FXN: variants seen among roughly 807,000 people sequenced by gnomAD.
FXN encodes the protein frataxin, also known as frataxin, mitochondrial.
FXN carries 14 observed loss-of-function variants against 22.4 expected under a neutral mutation model. That is an observed-to-expected ratio of 0.62 (90% CI 0.41 to 0.98). The LOEUF is 0.98. FXN is among the 50% of genes least tolerant of loss of function. FXN has a pLI of 0.00. For missense variants in FXN, 267 were observed against 268.4 expected (o/e 0.99, Z 0.04); for synonymous variants, 120 against 114.1 (o/e 1.05, Z -0.33).
chr9:69,073,379 C>G lies in FXN; in HGVS notation c.*617C>G. On this transcript the variant is annotated 3_prime_UTR_variant, in exon 5 of 5. Transcript: ENST00000484259. ...TCCAGGGAGACCTAGTGCTGTTTCT[C>G]CCACATATTCACATACGTGTCTGTG... 1.0e-6 allele frequency: 1 copy of G among 987,064 alleles called. No individual in the cohort carries two copies. Among genetic ancestry groups the G allele is most frequent in the Non-Finnish European group, 1.2e-6 (1 of 831,116 alleles). The allele number at this position is 987,064 out of a possible 1,614,324, so 61.1% of individuals were successfully genotyped here.
chr9:69,059,062 C>T (rs773387329), intron 3 of FXN, among the ~76,000 whole-genome samples: 1 of 151,382 alleles, frequency 6.6e-6, no homozygotes, highest in Non-Finnish European at 1.5e-5. Flanking sequence ...AGCGAGACTT[C>T]ATCTTAAAAA....
chr9:69,078,205 C>T lies in FXN; in HGVS notation c.*5443C>T, dbSNP rs1832405714. 1 of 984,102 alleles carries T rather than the reference C, an allele frequency of 1.0e-6. No individual in the cohort carries two copies. Among genetic ancestry groups the T allele is most frequent in the African/African-American group, 1.7e-5 (1 of 57,308 alleles). 61.0% of individuals were successfully genotyped at this position (984,102 alleles called of 1,614,324 possible). A position where few individuals can be genotyped will look rare whatever the true frequency, so the allele number is the denominator to read the frequency against. On this transcript the variant is annotated 3_prime_UTR_variant, in exon 5 of 5. Coordinates refer to ENST00000484259, the MANE Select transcript of FXN (RefSeq NM_000144.5). ...CTGTGTACTGCACATCTCCAGGTGC[C>T]ACTGTTGACAGAGATTATAACTACA... is the stretch of plus-strand genomic sequence containing the variant.
intron 2 of FXN, among the ~76,000 whole-genome samples, chr9:69,051,347 T>A (rs150049106): frequency 6.6e-6 from 1 of 151,720 alleles, no homozygotes; most frequent in Non-Finnish European, 1.5e-5. Context: ...CTCCCAAAGT[T>A]CTGGTATTAC....
intron 1 of FXN, among the ~76,000 whole-genome samples, chr9:69,037,050 C>T (rs983933419): frequency 1.3e-5 from 2 of 151,996 alleles, no homozygotes; most frequent in African/African-American, 4.8e-5. Flanking sequence ...CTTGAACTTC[C>T]CACACGTGTT....
At position 69,049,739 on chromosome 9, in the gene FXN, A is replaced by T. The variant is rs866090316; in HGVS notation, c.263+3257A>T. Among the ~76,000 whole-genome samples, 11 of 152,262 alleles carry T rather than the reference A, an allele frequency of 7.2e-5. No homozygotes were observed. In the Middle Eastern group the frequency reaches 0.017, roughly 235 times the overall value. ...CAAGATTGTGCAGCTGTCACTACTA[A>T]TTCCAGAACATTTTCATTATTCCAG... On this transcript the variant is annotated intron_variant, in intron 2 of 4. Coordinates refer to ENST00000484259, the MANE Select transcript of FXN (RefSeq NM_000144.5).
intron 2 of FXN, among the ~76,000 whole-genome samples, chr9:69,047,381 G>A (rs1484234494): frequency 4.7e-5 from 7 of 147,696 alleles, no homozygotes; most frequent in South Asian, 4.4e-4. Context: ...ACACACACAC[G>A]ATGGAGAGGG....
chr9:69,071,124 C>T (rs1832266726), intron 4 of FXN: 1 of 513,674 alleles, frequency 1.9e-6, no homozygotes, highest in Non-Finnish European at 3.9e-6. Context: ...CTCAGAGCAC[C>T]TCAGGCAGTG....
At chr9:69,071,281 T>G (rs1010302791) in intron 4 of FXN, 2 of 518,888 alleles carry the variant, frequency 3.9e-6, no homozygotes, top group Non-Finnish European at 7.7e-6. Context: ...CATTTTTATC[T>G]CCATACTGGG....
intron 2 of FXN, among the ~76,000 whole-genome samples, chr9:69,047,324 CACACAG>C (rs1247445979): frequency 6.6e-6 from 1 of 151,288 alleles, no homozygotes; most frequent in Non-Finnish European, 1.5e-5. Context: ...TTCTGATCTA[CACACAG>C]ACACAGACAC....
chr9:69,045,914 A>G (rs1463715325), intron 1 of FXN, among the ~76,000 whole-genome samples: 1 of 152,220 alleles, frequency 6.6e-6, no homozygotes, highest in Non-Finnish European at 1.5e-5. Flanking sequence ...CCTGGTTAGT[A>G]ATAAGCTGTA....
intron 3 of FXN, among the ~76,000 whole-genome samples, chr9:69,058,615 C>A (rs1203317484): frequency 6.8e-6 from 1 of 147,414 alleles, no homozygotes; most frequent in African/African-American, 2.5e-5. Flanking sequence ...AAAAAAAAAA[C>A]TTTAAACAAA....
At chr9:69,052,305 C>T (rs1490270959) in intron 2 of FXN, among the ~76,000 whole-genome samples, 1 of 152,032 alleles carries the variant, frequency 6.6e-6, no homozygotes, top group South Asian at 2.1e-4. Flanking sequence ...CAGGCGTGCA[C>T]CACAAGCCCA....
At position 69,035,799 on chromosome 9, in the gene FXN, G is replaced by A. The variant is rs992322273; in HGVS notation, c.17G>A (p.Arg6His). 4 of 1,510,436 alleles carry A rather than the reference G, an allele frequency of 2.6e-6. No homozygotes were observed. Among genetic ancestry groups the A allele is most frequent in the East Asian group, 2.6e-5 (1 of 38,458 alleles). The allele number at this position is 1,510,436 out of a possible 1,614,324, so 93.6% of individuals were successfully genotyped here. Residue 6 changes from arginine (R) to histidine (H), a missense_variant, in exon 1 of 5, where the codon CGC (arginine) becomes CAC (histidine). Physicochemically the swap from Arg to His is conservative, Grantham distance 29. Transcript: ENST00000484259. The part of the protein sequence containing the change: MWTLG[R>H]RAVAGLLASP... ...CGGAGCAGCATGTGGACTCTCGGGC[G>A]CCGCGCAGTAGCCGGCCTCCTGGCG...
chr9:69,052,007 C>T lies in FXN; in HGVS notation c.264-1133C>T, dbSNP rs557221555. On this transcript the variant is annotated intron_variant, in intron 2 of 4. Transcript: ENST00000484259. ...GGATTACAGGCTCGCCCCACCATGC[C>T]CAGCTAATTTTTGTATTTTTAGTAG... Among the ~76,000 whole-genome samples, 237 of 152,218 alleles carry T rather than the reference C, an allele frequency of 1.6e-3. 1 individual carries two copies. The highest frequency in any genetic ancestry group is 3.7e-3 in the Admixed American group (56 of 15,286).
chr9:69,062,764 T>A (rs1426938658), intron 3 of FXN, among the ~76,000 whole-genome samples: 1 of 152,082 alleles, frequency 6.6e-6, no homozygotes, highest in Non-Finnish European at 1.5e-5. Context: ...GGCATAGAGT[T>A]TCAGTGTTAC....
intron 2 of FXN, 92 bp downstream of exon 2, chr9:69,046,574 A>G (rs1370944560): frequency 7.3e-6 from 6 of 826,258 alleles, no homozygotes; most frequent in Non-Finnish European, 1.2e-5. Flanking sequence ...GAGCAGCAAC[A>G]ATCTTAGGCA....
At chr9:69,062,797 T>G (rs1354187407) in intron 3 of FXN, among the ~76,000 whole-genome samples, 3 of 152,142 alleles carry the variant, frequency 2.0e-5, no homozygotes, top group Non-Finnish European at 2.9e-5. Flanking sequence ...TCTAGAGTTA[T>G]GCTGCCCAGC....
chr9:69,036,394 GTGTT>G (rs1831552328), intron 1 of FXN, among the ~76,000 whole-genome samples: 1 of 152,260 alleles, frequency 6.6e-6, no homozygotes, highest in Non-Finnish European at 1.5e-5. Flanking sequence ...TTGTGTGTGT[GTGTT>G]TGCGCGCACG....
At chr9:69,043,539 C>T (rs767282028) in intron 1 of FXN, 4 of 152,212 alleles carry the variant, frequency 2.6e-5, no homozygotes, top group Non-Finnish European at 5.9e-5. Context: ...CCACCTCGGC[C>T]TCCTGAGTAG....
Sources: allele counts gnomAD v4.1 joint callset (sites outside exome capture counted in the v4.1 genomes callset), GRCh38; gene constraint gnomAD v4.1.1; transcripts MANE v1.5; gene names NCBI Gene and HGNC (gene_info 2026-07-23, HGNC 2026-07-21).